F5: variants seen among roughly 807,000 people sequenced by gnomAD.
F5 encodes the protein activated protein c cofactor.
Under a neutral mutation model 216.4 loss-of-function variants are expected in F5, and 138 were observed. That is an observed-to-expected ratio of 0.64 (90% CI 0.56 to 0.73). The LOEUF (loss-of-function observed/expected upper bound fraction) is 0.73. F5 is among the 30% of genes least tolerant of loss of function. F5 has a pLI of 0.00. For synonymous variants in F5, 916 were observed against 930.7 expected, an observed-to-expected ratio of 0.98 and a Z score of 0.29; for missense variants, 2,403 against 2,674.0, an observed-to-expected ratio of 0.90 and a Z score of 2.24.
rs1203957408 is a variant in F5, at chr1:169,555,318, T to A, written c.982A>T (p.Asn328Tyr). 6.2e-7 allele frequency: 1 copy of A among 1,614,102 alleles called. No individual in the cohort carries two copies. The highest frequency in any genetic ancestry group is 8.5e-7 in the Non-Finnish European group (1 of 1,180,012). Residue 328 changes from asparagine to tyrosine, a missense_variant, in exon 7 of 25, where the codon AAC (asparagine) becomes TAC (tyrosine). This residue lies in a region of F5 where 1,425 missense variants were observed against 1,554.8 expected (regional missense o/e 0.92). Transcript: ENST00000367797. ...AGMQAYIDIK[N>Y]CPKKTRNLKK... ...AGATTCCTGGTTTTCTTTGGGCAGT[T>A]TTTAATGTCAATGTAAGCCTGCATC...
intron 2 of F5, among the ~76,000 whole-genome samples, chr1:169,576,448 G>A (rs1457614998): frequency 6.6e-6 from 1 of 152,122 alleles, no homozygotes; most frequent in African/African-American, 2.4e-5. Context: ...CCTTATTTTA[G>A]TTAACAAAGC....
chr1:169,535,662 A>C (rs1659688454), intron 14 of F5, among the ~76,000 whole-genome samples: 1 of 152,212 alleles, frequency 6.6e-6, no homozygotes, highest in Admixed American at 6.5e-5. Context: ...ACTTAGAATA[A>C]GTTTTTTAAA....
In F5 at chr1:169,529,599, G is replaced by A; in HGVS notation, c.5419+9C>T. ...ATTAGGAGATTAGATCAAAGTCTGAGGAAAATACCGTGAAACTCATGGGAT... is the reference window on the plus strand; with the variant it reads ...ATTAGGAGATTAGATCAAAGTCTGAAGAAAATACCGTGAAACTCATGGGAT... On this transcript the variant is annotated intron_variant, in intron 16 of 24. Transcript: ENST00000367797. 5 of 1,611,374 alleles carry A rather than the reference G, an allele frequency of 3.1e-6. No homozygotes were observed. Among genetic ancestry groups the A allele is most frequent in the Non-Finnish European group, 4.2e-6 (5 of 1,177,740 alleles).
rs983205384 is a variant in F5 at position 169,512,784 on chromosome 1, A to G, written c.*1529T>C. Among the ~76,000 whole-genome samples, 1 of 152,092 alleles carries G rather than the reference A, an allele frequency of 6.6e-6. No homozygotes were observed. The highest frequency in any genetic ancestry group is 2.4e-5 in the African/African-American group (1 of 41,440). On this transcript the variant is annotated 3_prime_UTR_variant, in exon 25 of 25. Transcript: ENST00000367797. ...CATTCATAGGGCTTACCCCACTGGT[A>G]TGGGCAACAGGTAACTCTGGTAGTT...
intron 3 of F5, among the ~76,000 whole-genome samples, chr1:169,567,542 CTTTTTTTTT>C (rs35544182): frequency 2.1e-5 from 3 of 141,394 alleles, no homozygotes; most frequent in Non-Finnish European, 4.6e-5. Context: ...GGTAAAAGTA[CTTTTTTTTT>C]TTTTTTTTGG....
In F5 at chr1:169,541,334, G is replaced by A; in HGVS notation, c.3756C>T (p.Asp1252=). The A allele has an allele frequency of 6.2e-7, 1 of 1,606,890 alleles. No homozygotes were observed. Among genetic ancestry groups the A allele is most frequent in the Non-Finnish European group, 8.5e-7 (1 of 1,177,656 alleles). Residue 1252 remains aspartate (D), a synonymous_variant, in exon 13 of 25, where the codon GAC becomes GAT. Coordinates refer to ENST00000367797, the MANE Select transcript of F5 (RefSeq NM_000130.5). ...PDLSHTTLSL[D]LSQTNLSPEL... ...CTGGAGAGAGGTTTGTCTGGCTGAG[G>A]TCTAAAGAAAGGGTTGTATGGCTGA...
chr1:169,543,629 C>G (rs183227439), intron 12 of F5, among the ~76,000 whole-genome samples: 1 of 152,116 alleles, frequency 6.6e-6, no homozygotes, highest in South Asian at 2.1e-4. Context: ...TAATAATTCA[C>G]GAGGACAATT....
intron 21 of F5, among the ~76,000 whole-genome samples, chr1:169,522,896 A>G (rs370283198): frequency 1.7e-4 from 26 of 152,324 alleles, no homozygotes; most frequent in Non-Finnish European, 2.2e-4. Context: ...GCAAGACCAG[A>G]TGTTCTACTC....
chr1:169,553,004 G>A (rs1660208367), intron 7 of F5, among the ~76,000 whole-genome samples: 1 of 152,164 alleles, frequency 6.6e-6, no homozygotes, highest in Admixed American at 6.5e-5. Flanking sequence ...TATTGCTACA[G>A]CAGACATTTG....
At chr1:169,566,824 C>T (rs1250800299) in intron 3 of F5, among the ~76,000 whole-genome samples, 1 of 152,048 alleles carries the variant, frequency 6.6e-6, no homozygotes, top group East Asian at 1.9e-4. Context: ...TGTGGGAATA[C>T]ATGTTCACAT....
Position 169,542,741 on chromosome 1 carries a change from A to G in F5, c.2349T>C (p.Ile783=). The G allele has an allele frequency of 6.2e-7, 1 of 1,614,150 alleles. No individual in the cohort carries two copies. Among genetic ancestry groups the G allele is most frequent in the Non-Finnish European group, 8.5e-7 (1 of 1,179,994 alleles). The change falls in exon 13 of 25, where the codon ATT becomes ATC. Residue 783 remains isoleucine (I), a synonymous_variant. Transcript: ENST00000367797. ...CAAGGTTATTGACAGTGAACTTACT[A>G]ATATTACTTGGGGAAGAATAATTTG... ...VGSNYSSPSN[I]SKFTVNNLAE...
At chr1:169,517,779 A>G (rs185372280) in intron 23 of F5, among the ~76,000 whole-genome samples, 1 of 152,290 alleles carries the variant, frequency 6.6e-6, no homozygotes, top group Admixed American at 6.5e-5. Context: ...AGTTGCCTCA[A>G]GGAATATCAC....
Position 169,529,903 on chromosome 1 carries a change from A to G in F5, c.5209-85T>C, listed in dbSNP as rs368967198. 328 of 1,080,250 alleles carry G rather than the reference A, an allele frequency of 3.0e-4. 3 individuals carry two copies. The African/African-American group carries it at 4.6e-3, about 15-fold the overall frequency. The allele number at this position is 1,080,250 out of a possible 1,614,324, so 66.9% of individuals were successfully genotyped here. A position where few individuals can be genotyped will look rare whatever the true frequency, so the allele number is the denominator to read the frequency against. On this transcript the variant is annotated intron_variant, in intron 15 of 24. Coordinates refer to ENST00000367797, the MANE Select transcript of F5 (RefSeq NM_000130.5). The stretch of plus-strand genomic sequence containing the variant: ...AATCACTCATCATATAGAAAAGGAA[A>G]CTTTCTGATAGGCTCTGAATTTGAA...
chr1:169,562,449 T>C (rs1012491301), intron 3 of F5, among the ~76,000 whole-genome samples: 2 of 152,114 alleles, frequency 1.3e-5, no homozygotes, highest in Non-Finnish European at 2.9e-5. Flanking sequence ...AATTGTAGTG[T>C]TCTTTCCATT....
Position 169,542,205 on chromosome 1 carries a change from G to A in F5, c.2885C>T (p.Thr962Ile). 1 of 1,614,094 alleles carries A rather than the reference G, an allele frequency of 6.2e-7. No homozygotes were observed. The highest frequency in any genetic ancestry group is 8.5e-7 in the Non-Finnish European group (1 of 1,179,984). ...EKGSYEIIQD[T>I]DEDTAVNNWL... is the part of the protein sequence containing the mutation. ...ATTGTTAACAGCTGTGTCTTCATCA[G>A]TATCTTGGATTATTTCATAGCTACC... The change falls in exon 13 of 25, where the codon ACT becomes ATT. Residue 962 changes from threonine (T) to isoleucine (I), a missense_variant. This residue lies in a region of F5 where 1,425 missense variants were observed against 1,554.8 expected (regional missense o/e 0.92). Transcript: ENST00000367797.
intron 2 of F5, among the ~76,000 whole-genome samples, chr1:169,572,569 A>G (rs1244426771): frequency 1.3e-5 from 2 of 152,222 alleles, no homozygotes; most frequent in Non-Finnish European, 2.9e-5. Context: ...CCTGGACCCA[A>G]AAGAAGTCAA....
intron 24 of F5, among the ~76,000 whole-genome samples, chr1:169,514,674 C>A (rs764877812): frequency 2.0e-5 from 3 of 151,908 alleles, no homozygotes; most frequent in Admixed American, 6.6e-5. Context: ...CATGCCCAAC[C>A]CAGAAAATTT....
intron 14 of F5, among the ~76,000 whole-genome samples, chr1:169,531,938 C>G (rs1040249127): frequency 1.3e-5 from 2 of 151,990 alleles, no homozygotes; most frequent in Admixed American, 6.6e-5. Flanking sequence ...TACATAGACA[C>G]AAAAATCTTC....
intron 23 of F5, 25 bp from the exon 24 acceptor site, chr1:169,515,651 G>T (rs1034253839): frequency 2.5e-6 from 4 of 1,608,124 alleles, no homozygotes; most frequent in Middle Eastern, 1.7e-4. Flanking sequence ...AAAACACATA[G>T]ATAAGGAAGA....
Sources: allele counts gnomAD v4.1 joint callset (sites outside exome capture counted in the v4.1 genomes callset), GRCh38; gene constraint gnomAD v4.1.1; regional missense constraint gnomAD v4.1.1; transcripts MANE v1.5; gene names NCBI Gene and HGNC (gene_info 2026-07-23, HGNC 2026-07-21).